PRPF39: variants seen among roughly 807,000 people sequenced by gnomAD.
The protein encoded by PRPF39 is pre-mRNA processing factor 39.
Under a neutral mutation model 82.1 loss-of-function variants are expected in PRPF39, and 27 were observed. The observed-to-expected ratio is 0.33, with a 90% confidence interval of 0.24 to 0.45. The LOEUF (loss-of-function observed/expected upper bound fraction) is 0.45, where lower values mean the gene tolerates loss of function less well. PRPF39 is among the 20% of genes least tolerant of loss of function. The pLI, the probability that PRPF39 is intolerant of heterozygous loss-of-function variation, is 1.00. For missense variants in PRPF39, 581 were observed against 796.9 expected (o/e 0.73, Z 3.26); for synonymous variants, 261 against 256.4 (o/e 1.02, Z -0.17).
intron 7 of PRPF39, 122 bp downstream of exon 7, chr14:45,108,644 C>A (rs1474769481): frequency 7.9e-7 from 1 of 1,264,298 alleles, no homozygotes; most frequent in African/African-American, 1.6e-5. Flanking sequence ...GCCATAACTT[C>A]AGATGTTTGT....
intron 12 of PRPF39, 42 bp from the exon 13 acceptor site, chr14:45,114,452 C>A: frequency 6.6e-7 from 1 of 1,521,510 alleles, no homozygotes; most frequent in South Asian, 1.3e-5. Flanking sequence ...AAGTTCTTAC[C>A]TGTGGGAGTT....
At chr14:45,095,655 A>T (rs1173347091) in intron 2 of PRPF39, 92 bp downstream of exon 2, 1 of 1,403,608 alleles carries the variant, frequency 7.1e-7, no homozygotes, top group Non-Finnish European at 9.4e-7. Flanking sequence ...TATGATTAAA[A>T]TTGACTCATA....
intron 1 of PRPF39, among the ~76,000 whole-genome samples, chr14:45,092,032 T>G (rs560879496): frequency 6.6e-6 from 1 of 152,332 alleles, no homozygotes; most frequent in Admixed American, 6.5e-5. Context: ...ATGAATCGTT[T>G]CAGATATGGT....
At chr14:45,094,329 C>T (rs1884133250) in intron 1 of PRPF39, among the ~76,000 whole-genome samples, 1 of 152,036 alleles carries the variant, frequency 6.6e-6, no homozygotes, top group Admixed American at 6.6e-5. Context: ...TGCTTATTAC[C>T]TTATAGCCTT....
rs996835511 is a variant in PRPF39 at position 45,084,143 on chromosome 14, G to C, written c.-126G>C. On this transcript the variant is annotated 5_prime_UTR_variant, in exon 1 of 14. Coordinates refer to ENST00000355765, the MANE Select transcript of PRPF39 (RefSeq NM_017922.4). ...GCCCTGGACCAGGCGGCCGTGGCGCGGGTGGCGGCTGCTGTGCTGGCTGTG... is the reference window on the plus strand; with the variant it reads ...GCCCTGGACCAGGCGGCCGTGGCGCCGGTGGCGGCTGCTGTGCTGGCTGTG... 2.6e-5 allele frequency: 4 copies of C among 153,428 alleles called. No individual in the cohort carries two copies. Among genetic ancestry groups the C allele is most frequent in the East Asian group, 1.9e-4 (1 of 5,234 alleles). The allele number at this position is 153,428 out of a possible 1,614,324, so 9.5% of individuals were successfully genotyped here.
rs141270039 is a variant in PRPF39 at position 45,100,839 on chromosome 14, A to C, written c.570-1690A>C. ...TTAATGTGCTTCTGTTTTAATTCTT[A>C]CTGGTTCCTGAGTTTTGTGCCTATT... On this transcript the variant is annotated intron_variant, in intron 4 of 13. Coordinates refer to ENST00000355765, the MANE Select transcript of PRPF39 (RefSeq NM_017922.4). 1.9e-4 allele frequency among the ~76,000 whole-genome samples: 29 copies of C among 152,116 alleles called. No individual in the cohort carries two copies. In the East Asian group the frequency reaches 5.6e-3, roughly 29 times the overall value.
chr14:45,087,637 T>C (rs1883876876), intron 1 of PRPF39, among the ~76,000 whole-genome samples: 1 of 151,558 alleles, frequency 6.6e-6, no homozygotes, highest in African/African-American at 2.4e-5. Context: ...GCAGTGGCGC[T>C]ATCTCGGCTC....
At chr14:45,086,844 C>T (rs1339654059) in intron 1 of PRPF39, among the ~76,000 whole-genome samples, 1 of 139,462 alleles carries the variant, frequency 7.2e-6, no homozygotes, top group Non-Finnish European at 1.5e-5. Context: ...CAGTGTTTCT[C>T]AGTTTTTTTT....
Position 45,114,601 on chromosome 14 carries a change from G to A in PRPF39, c.1940G>A (p.Ser647Asn). 6.2e-7 allele frequency: 1 copy of A among 1,609,980 alleles called. No individual in the cohort carries two copies. Among genetic ancestry groups the A allele is most frequent in the Non-Finnish European group, 8.5e-7 (1 of 1,178,432 alleles). Residue 647 changes from serine (S) to asparagine (N), a missense_variant, in exon 13 of 14, where the codon AGT (serine) becomes AAT (asparagine). Physicochemically the swap from Ser to Asn is conservative, Grantham distance 46. Coordinates refer to ENST00000355765, the MANE Select transcript of PRPF39 (RefSeq NM_017922.4). The stretch of plus-strand genomic sequence containing the variant: ...GCAAACCAAGCTGTATATAATTATA[G>A]TGCGTGGTATCAAGTGAGTCTGCAT... ...LQANQAVYNYSAWYQYNYQNP... is the reference protein window; with the variant it reads ...LQANQAVYNYNAWYQYNYQNP...
intron 4 of PRPF39, among the ~76,000 whole-genome samples, chr14:45,098,138 G>T (rs2139047417): frequency 6.6e-6 from 1 of 152,116 alleles, no homozygotes; most frequent in Middle Eastern, 3.4e-3. Context: ...AATAAGGATG[G>T]GCACAGTGGC....
chr14:45,095,839 CTTCT>C, intron 2 of PRPF39: 4 of 470,600 alleles, frequency 8.5e-6, no homozygotes, highest in Non-Finnish European at 1.4e-5. Context: ...AAATTAGTTC[CTTCT>C]GTTTCAATTG....
In PRPF39 at chr14:45,101,846, G is replaced by A. The variant is rs568509710; in HGVS notation, c.570-683G>A. On this transcript the variant is annotated intron_variant, in intron 4 of 13. Transcript: ENST00000355765. Reference sequence around the variant, plus strand: ...TTTTGAGACAGAGTCGCGCTCTGTCGCCCAGTCTGGAGTGCAGTGGTGCAA... The same window carrying A: ...TTTTGAGACAGAGTCGCGCTCTGTCACCCAGTCTGGAGTGCAGTGGTGCAA... 6.1e-5 allele frequency among the ~76,000 whole-genome samples: 9 copies of A among 148,364 alleles called. No individual in the cohort carries two copies. In the South Asian group the frequency reaches 1.7e-3, roughly 28 times the overall value.
chr14:45,095,311 G>C lies in PRPF39; in HGVS notation c.72G>C (p.Val24=), dbSNP rs1884162958. Reference sequence around the variant, plus strand: ...GCACAGGCAACAGTTCAGAGGTAGTGGTAGAACATCCTACTGATTTCAGTA... The same window carrying C: ...GCACAGGCAACAGTTCAGAGGTAGTCGTAGAACATCCTACTGATTTCAGTA... ...NGSTGNSSEV[V]VEHPTDFSTE... Residue 24 remains valine, a synonymous_variant, in exon 2 of 14, where the codon GTG becomes GTC. Transcript: ENST00000355765. 2 of 1,613,210 alleles carry C rather than the reference G, an allele frequency of 1.2e-6. No individual in the cohort carries two copies. The highest frequency in any genetic ancestry group is 1.3e-5 in the African/African-American group (1 of 75,002).
chr14:45,092,059 A>G (rs1462429488), intron 1 of PRPF39, among the ~76,000 whole-genome samples: 1 of 152,250 alleles, frequency 6.6e-6, no homozygotes, highest in East Asian at 1.9e-4. Context: ...CAAGGTAAGA[A>G]TAAATTGGTA....
rs1316515498 is a variant in PRPF39 at position 45,110,911 on chromosome 14, T to C, written c.1572+94T>C. The C allele has an allele frequency of 5.8e-6, 7 of 1,205,918 alleles. No homozygotes were observed. The highest frequency in any genetic ancestry group is 8.0e-6 in the Non-Finnish European group (7 of 879,364). 74.7% of individuals were successfully genotyped at this position (1,205,918 alleles called of 1,614,324 possible). The stretch of plus-strand genomic sequence containing the variant: ...CAACTGTGATGAAAGATTTGGTCTG[T>C]ATGTAATAGATTTTATTACTAAATG... On this transcript the variant is annotated intron_variant, in intron 10 of 13. Transcript: ENST00000355765. This position sits in a 1 kb window ranked among gnomAD's most constrained non-coding sequence, Gnocchi z 4.0.
intron 10 of PRPF39, among the ~76,000 whole-genome samples, chr14:45,111,642 T>G (rs1884701205): frequency 7.3e-6 from 1 of 137,468 alleles, no homozygotes; most frequent in Admixed American, 7.4e-5. Context: ...TTTTTTTTTT[T>G]TTTTTTTTTT....
intron 2 of PRPF39, 136 bp from the exon 3 acceptor site, chr14:45,095,967 C>A: frequency 1.5e-6 from 1 of 663,444 alleles, no homozygotes; most frequent in Non-Finnish European, 2.4e-6. Flanking sequence ...GCTCCATCGG[C>A]AGAGCAGCCT....
In PRPF39 at chr14:45,110,157, A is replaced by T. The variant is rs769953128; in HGVS notation, c.1240A>T (p.Thr414Ser). 6.2e-7 allele frequency: 1 copy of T among 1,613,706 alleles called. No homozygotes were observed. Among genetic ancestry groups the T allele is most frequent in the South Asian group, 1.1e-5 (1 of 91,074 alleles). Residue 414 changes from threonine (T) to serine (S), a missense_variant, in exon 9 of 14, where the codon ACT becomes TCT. Coordinates refer to ENST00000355765, the MANE Select transcript of PRPF39 (RefSeq NM_017922.4). The surrounding 1 kb of genome is among the most constrained non-coding windows in gnomAD (Gnocchi z 4.0). ...GAGGCATGTCTTCAGCAGAGCTTGTACTATACATCTCCCAAAGAAACCCAT... is the reference window on the plus strand; with the variant it reads ...GAGGCATGTCTTCAGCAGAGCTTGTTCTATACATCTCCCAAAGAAACCCAT... ...GVRHVFSRAC[T>S]IHLPKKPMVH...
chr14:45,103,697 C>T (rs906459282), intron 5 of PRPF39, among the ~76,000 whole-genome samples: 5 of 151,972 alleles, frequency 3.3e-5, no homozygotes, highest in African/African-American at 4.8e-5. Flanking sequence ...TAAGGTATAA[C>T]GACCTAGGAA....
Sources: gnomAD v4.1 joint callset for allele counts (sites outside exome capture counted in the v4.1 genomes callset) on GRCh38, gnomAD v4.1.1 for gene constraint, Gnocchi (gnomAD v3.1) non-coding constraint, MANE v1.5 for transcripts, NCBI Gene and HGNC (gene_info 2026-07-23, HGNC 2026-07-21) for gene names.